Variants in ZNG1F observed in about 807,000 individuals in gnomAD.
The protein encoded by ZNG1F is Zn regulated GTPase metalloprotein activator 1F.
At chr9:41,175,609 TA>T in the ZNG1F span, among the ~76,000 whole-genome samples, 1 of 99,944 alleles carries the variant, frequency 1.0e-5, no homozygotes, top group South Asian at 3.8e-4. Context: ...CTAACATACA[TA>T]AATCATTTTG....
At chr9:41,169,699 T>C in the ZNG1F span, among the ~76,000 whole-genome samples, 2 of 147,958 alleles carry the variant, frequency 1.4e-5, no homozygotes, top group African/African-American at 2.5e-5. Flanking sequence ...TATTGTATAC[T>C]TGAATCTGCT....
chr9:41,169,155 A>C, the ZNG1F span, among the ~76,000 whole-genome samples: 1 of 151,172 alleles, frequency 6.6e-6, no homozygotes, highest in Non-Finnish European at 1.5e-5. Context: ...AAATAAGTGC[A>C]TCTTAACATT....
chr9:41,149,725 A>C, the ZNG1F span, among the ~76,000 whole-genome samples: 1 of 151,268 alleles, frequency 6.6e-6, no homozygotes, highest in Admixed American at 6.6e-5. Flanking sequence ...TCAGTTCTAA[A>C]GAGTGAAACG....
the ZNG1F span, among the ~76,000 whole-genome samples, chr9:41,178,977 T>C: frequency 7.8e-5 from 9 of 115,726 alleles, no homozygotes; most frequent in African/African-American, 2.8e-4. Flanking sequence ...AAGGACAGGC[T>C]GACTCTCTTG....
the ZNG1F span, among the ~76,000 whole-genome samples, chr9:41,189,872 C>CT: frequency 3.2e-5 from 2 of 62,866 alleles, no homozygotes; most frequent in East Asian, 4.3e-4. Context: ...CTTTTATTTA[C>CT]TTTTTTCTCA....
At chr9:41,150,309 C>G in the ZNG1F span, among the ~76,000 whole-genome samples, 1 of 150,694 alleles carries the variant, frequency 6.6e-6, no homozygotes, top group Non-Finnish European at 1.5e-5. Context: ...CCGCACCTGG[C>G]TCGGAGGGTC....
chr9:41,152,498 A>G, the ZNG1F span, among the ~76,000 whole-genome samples: 43 of 141,354 alleles, frequency 3.0e-4, no homozygotes, highest in Non-Finnish European at 4.2e-4. Flanking sequence ...TGCACCAAGC[A>G]GACCTAATAG....
the ZNG1F span, among the ~76,000 whole-genome samples, chr9:41,198,357 A>G: frequency 2.5e-4 from 38 of 149,882 alleles, no homozygotes; most frequent in East Asian, 3.0e-3. Flanking sequence ...AGCCAAGATC[A>G]TGCCATTGCA....
At chr9:41,183,539 TG>T in the ZNG1F span, 1 of 1,571,518 alleles carries the variant, frequency 6.4e-7, no homozygotes, top group Non-Finnish European at 8.6e-7. Flanking sequence ...TAGTAAACCA[TG>T]TACACAGTAA....
the ZNG1F span, among the ~76,000 whole-genome samples, chr9:41,169,881 ACT>A: frequency 2.1e-5 from 3 of 140,518 alleles, no homozygotes; most frequent in Non-Finnish European, 4.6e-5. Context: ...AAACAAAGGA[ACT>A]CTCTGAAATA....
At chr9:41,168,541 A>G in the ZNG1F span, among the ~76,000 whole-genome samples, 4 of 58,772 alleles carry the variant, frequency 6.8e-5, no homozygotes, top group African/African-American at 2.4e-4. Context: ...AATTGTAATT[A>G]ACACCTCCTG....
the ZNG1F span, among the ~76,000 whole-genome samples, chr9:41,147,680 A>G: frequency 2.6e-3 from 171 of 64,636 alleles, 7 homozygotes; most frequent in Middle Eastern, 0.018. Flanking sequence ...CTCCAAGGGG[A>G]AAAAAAAAAA....
chr9:41,166,627 T>TTATAAA, the ZNG1F span, among the ~76,000 whole-genome samples: 52 of 53,000 alleles, frequency 9.8e-4, no homozygotes, highest in African/African-American at 4.3e-3. Flanking sequence ...TATGAGATCA[T>TTATAAA]TATAAATAGA....
At chr9:41,137,186 C>T in the ZNG1F span, among the ~76,000 whole-genome samples, 225 of 147,726 alleles carry the variant, frequency 1.5e-3, 3 homozygotes, top group African/African-American at 5.2e-3. Flanking sequence ...TCACTATTGT[C>T]ATTCAGTTTG....
At chr9:41,139,521 T>C in the ZNG1F span, among the ~76,000 whole-genome samples, 5 of 149,308 alleles carry the variant, frequency 3.3e-5, no homozygotes, top group South Asian at 8.5e-4. Flanking sequence ...ACAGGTGATG[T>C]GTTGGGCTCT....
the ZNG1F span, among the ~76,000 whole-genome samples, chr9:41,197,075 CAGAA>C: frequency 3.1e-5 from 1 of 31,822 alleles, no homozygotes; most frequent in African/African-American, 6.6e-5. Context: ...AAAATTATAA[CAGAA>C]AGATAGAGTA....
the ZNG1F span, chr9:41,145,615 T>C: frequency 1.6e-4 from 25 of 160,206 alleles, no homozygotes; most frequent in African/African-American, 7.9e-4. Flanking sequence ...TGGTTAAATA[T>C]GTCAGTAAAT....
the ZNG1F span, among the ~76,000 whole-genome samples, chr9:41,155,272 C>T: frequency 0.066 from 9,923 of 150,444 alleles, 869 homozygotes; most frequent in Non-Finnish European, 0.11. Flanking sequence ...CATCTCTGGC[C>T]ATCAGAGAAA....
the ZNG1F span, among the ~76,000 whole-genome samples, chr9:41,136,394 T>C: frequency 5.5e-5 from 1 of 18,112 alleles, no homozygotes; most frequent in African/African-American, 1.1e-4. Flanking sequence ...TTTTGATATG[T>C]TGTTGGAATC....
Sources: allele counts gnomAD v4.1 joint callset (sites outside exome capture counted in the v4.1 genomes callset), GRCh38; gene constraint gnomAD v4.1.1; transcripts MANE v1.5; gene names NCBI Gene and HGNC (gene_info 2026-07-23, HGNC 2026-07-21).